LYPD6B: variants seen among roughly 807,000 people sequenced by gnomAD.
LYPD6B encodes ly6/PLAUR domain-containing protein 6B.
A neutral mutation model predicts 22.8 loss-of-function variants in LYPD6B; 17 were observed. The observed-to-expected ratio is 0.75, with a 90% confidence interval of 0.51 to 1.12. LYPD6B has a LOEUF of 1.12. Among genes scored for constraint, LYPD6B ranks in the 50% most tolerant of loss-of-function variants. The probability of loss-of-function intolerance (pLI) is 0.00; values close to 1 mark genes in which losing one functional copy is unlikely to be tolerated. For missense variants in LYPD6B, 221 were observed against 258.3 expected, an observed-to-expected ratio of 0.86 and a Z score of 0.99; for synonymous variants, 106 against 91.6, an observed-to-expected ratio of 1.16 and a Z score of -0.90.
At chr2:149,096,272 C>T (rs1377266072) in intron 1 of LYPD6B, among the ~76,000 whole-genome samples, 1 of 152,020 alleles carries the variant, frequency 6.6e-6, no homozygotes, top group Non-Finnish European at 1.5e-5. Flanking sequence ...GCATTAGAAC[C>T]AGTCGGGAGG....
chr2:149,145,305 A>G (rs2105793143), intron 2 of LYPD6B, among the ~76,000 whole-genome samples: 1 of 152,330 alleles, frequency 6.6e-6, no homozygotes, highest in African/African-American at 2.4e-5. Flanking sequence ...TGCTTGGACG[A>G]TACATGCAGT....
At chr2:149,105,481 G>A (rs974788416) in intron 1 of LYPD6B, among the ~76,000 whole-genome samples, 4 of 152,064 alleles carry the variant, frequency 2.6e-5, no homozygotes, top group African/African-American at 7.2e-5. Context: ...TTTTCTTTAC[G>A]TTGTTTCAGC....
chr2:149,142,000 A>G (rs1279583319), intron 2 of LYPD6B: 1 of 152,214 alleles, frequency 6.6e-6, no homozygotes, highest in African/African-American at 2.4e-5. Flanking sequence ...TCACACCTGT[A>G]CGGTTATAAT....
At chr2:149,191,507 T>A (rs1438639659) in intron 3 of LYPD6B, among the ~76,000 whole-genome samples, 1 of 152,234 alleles carries the variant, frequency 6.6e-6, no homozygotes, top group Non-Finnish European at 1.5e-5. Context: ...TTTGAGTCTA[T>A]GTCTGGACCG....
intron 1 of LYPD6B, among the ~76,000 whole-genome samples, chr2:149,041,033 A>G (rs1683057619): frequency 6.6e-6 from 1 of 151,978 alleles, no homozygotes; most frequent in African/African-American, 2.4e-5. Context: ...CTCCCCAAAG[A>G]AACTGTAGTT....
chr2:149,053,191 T>A (rs779711490), intron 1 of LYPD6B, among the ~76,000 whole-genome samples: 1 of 152,154 alleles, frequency 6.6e-6, no homozygotes, highest in Non-Finnish European at 1.5e-5. Context: ...CATATGGAGG[T>A]AAGATAGATA....
chr2:149,167,279 C>T (rs536823927), intron 3 of LYPD6B, among the ~76,000 whole-genome samples: 8 of 152,222 alleles, frequency 5.3e-5, no homozygotes, highest in Non-Finnish European at 1.0e-4. Flanking sequence ...AGGCAGGAAG[C>T]GTCTTTTGTT....
intron 4 of LYPD6B, among the ~76,000 whole-genome samples, chr2:149,207,455 C>T (rs1693570683): frequency 6.6e-6 from 1 of 151,926 alleles, no homozygotes; most frequent in Admixed American, 6.6e-5. Context: ...ACCTGGTCTA[C>T]ACAGAAATGT....
chr2:149,107,967 G>A (rs527610939), intron 1 of LYPD6B, among the ~76,000 whole-genome samples: 2 of 152,190 alleles, frequency 1.3e-5, no homozygotes, highest in South Asian at 4.2e-4. Context: ...CAATTATAAT[G>A]GTAGATTTAT....
intron 1 of LYPD6B, among the ~76,000 whole-genome samples, chr2:149,049,328 T>C (rs1291462894): frequency 6.6e-6 from 1 of 152,244 alleles, no homozygotes; most frequent in African/African-American, 2.4e-5. Context: ...TTTGCATGAC[T>C]CAGTATATGA....
At chr2:149,074,733 T>C (rs553049217) in intron 1 of LYPD6B, among the ~76,000 whole-genome samples, 7 of 152,386 alleles carry the variant, frequency 4.6e-5, no homozygotes, top group Admixed American at 1.3e-4. Context: ...CCACTTACTT[T>C]CCTGGGAAAA....
intron 1 of LYPD6B, among the ~76,000 whole-genome samples, chr2:149,041,042 T>C (rs562412192): frequency 4.0e-5 from 6 of 151,518 alleles, no homozygotes; most frequent in African/African-American, 1.2e-4. Context: ...GAAACTGTAG[T>C]TGAGCTTTGA....
At chr2:149,101,977 T>A (rs1164542661) in intron 1 of LYPD6B, among the ~76,000 whole-genome samples, 2 of 152,144 alleles carry the variant, frequency 1.3e-5, no homozygotes, top group African/African-American at 4.8e-5. Flanking sequence ...AAAAGGGATA[T>A]CAGCAAGCGG....
intron 2 of LYPD6B, among the ~76,000 whole-genome samples, chr2:149,152,873 T>C (rs185787625): frequency 2.6e-4 from 39 of 152,296 alleles, no homozygotes; most frequent in African/African-American, 7.9e-4. Flanking sequence ...AAACATTGCA[T>C]TGGGCAACAA....
chr2:149,175,260 A>G (rs1691213683), intron 3 of LYPD6B, among the ~76,000 whole-genome samples: 1 of 152,206 alleles, frequency 6.6e-6, no homozygotes, highest in South Asian at 2.1e-4. Flanking sequence ...CCTATACAGC[A>G]TGTTACTCTA....
intron 1 of LYPD6B, among the ~76,000 whole-genome samples, chr2:149,059,901 A>T (rs577382108): frequency 3.9e-5 from 6 of 152,300 alleles, no homozygotes; most frequent in South Asian, 4.1e-4. Context: ...TGTGTCCCAG[A>T]AGGTGACCTA....
At chr2:149,160,699 G>T in intron 2 of LYPD6B, 65 bp from the exon 3 acceptor site, 1 of 1,156,760 alleles carries the variant, frequency 8.6e-7, no homozygotes, top group Non-Finnish European at 1.3e-6. Context: ...AAACATTCCA[G>T]TTGTTCAAGA....
intron 1 of LYPD6B, among the ~76,000 whole-genome samples, chr2:149,082,672 A>G (rs1416568915): frequency 6.6e-6 from 1 of 152,162 alleles, no homozygotes; most frequent in African/African-American, 2.4e-5. Context: ...ATTACGGTAA[A>G]TGTGAGGCAC....
chr2:149,084,106 A>AAAT (rs891807506), intron 1 of LYPD6B, among the ~76,000 whole-genome samples: 10 of 151,944 alleles, frequency 6.6e-5, no homozygotes, highest in Non-Finnish European at 5.9e-5. Context: ...CTCAAAAATA[A>AAAT]AATAAAATAA....
Sources: allele counts gnomAD v4.1 joint callset (sites outside exome capture counted in the v4.1 genomes callset), GRCh38; gene constraint gnomAD v4.1.1; transcripts MANE v1.5; gene names NCBI Gene and HGNC (gene_info 2026-07-23, HGNC 2026-07-21).